The following KLF12 variants were observed in gnomAD, a reference collection of about 807,000 sequenced individuals.
KLF12 encodes the protein Krueppel-like factor 12.
KLF12 carries 9 observed loss-of-function variants against 37.8 expected under a neutral mutation model. The ratio of observed to expected loss-of-function variants is 0.24; its 90% CI spans 0.14 to 0.42. The LOEUF is 0.42. Among genes scored for constraint, KLF12 ranks in the 10% least tolerant of loss-of-function variants. KLF12 has a pLI of 1.00. For synonymous variants in KLF12, 208 were observed against 202.1 expected, an observed-to-expected ratio of 1.03 and a Z score of -0.25; for missense variants, 411 against 516.0, an observed-to-expected ratio of 0.80 and a Z score of 1.97.
chr13:73,891,570 A>G (rs529086029), intron 3 of KLF12, among the ~76,000 whole-genome samples: 3 of 152,270 alleles, frequency 2.0e-5, no homozygotes, highest in Admixed American at 6.5e-5. Context: ...GGACAAGCAC[A>G]CTTTCAAAAT....
chr13:73,810,020 C>A (rs556758282), intron 5 of KLF12, among the ~76,000 whole-genome samples: 15 of 152,214 alleles, frequency 9.9e-5, no homozygotes, highest in Middle Eastern at 6.8e-3. Context: ...CCAAGGCAGG[C>A]GGATCACTTA....
At chr13:73,867,456 T>C (rs1045269338) in intron 3 of KLF12, among the ~76,000 whole-genome samples, 1 of 151,844 alleles carries the variant, frequency 6.6e-6, no homozygotes, top group Non-Finnish European at 1.5e-5. Flanking sequence ...CATATATATG[T>C]CAATTTATAA....
At chr13:74,191,611 A>G in the KLF12 span, among the ~76,000 whole-genome samples, 1 of 152,136 alleles carries the variant, frequency 6.6e-6, no homozygotes, top group African/African-American at 2.4e-5. Flanking sequence ...TTTTCCTGAC[A>G]TCTCCCTGAA....
chr13:73,882,948 T>A (rs992186935), intron 3 of KLF12, among the ~76,000 whole-genome samples: 1 of 152,194 alleles, frequency 6.6e-6, no homozygotes, highest in Non-Finnish European at 1.5e-5. Flanking sequence ...TTCTTCATTT[T>A]CCTGTTCATT....
chr13:73,781,995 A>G (rs1465044856), intron 5 of KLF12, among the ~76,000 whole-genome samples: 1 of 152,232 alleles, frequency 6.6e-6, no homozygotes, highest in Non-Finnish European at 1.5e-5. Flanking sequence ...AATGAATCAG[A>G]ACATGTTCTT....
intron 2 of KLF12, among the ~76,000 whole-genome samples, chr13:73,950,689 G>A (rs1890612993): frequency 1.3e-5 from 2 of 152,168 alleles, no homozygotes; most frequent in African/African-American, 4.8e-5. Flanking sequence ...AATCCCTAGA[G>A]AAGGAGGACA....
chr13:74,281,288 G>A, the KLF12 span, among the ~76,000 whole-genome samples: 69,539 of 151,982 alleles, frequency 0.46, 19,006 homozygotes, highest in East Asian at 0.63. Flanking sequence ...CTGGGATGAT[G>A]AAGTAGTTTT....
At chr13:74,113,136 T>G (rs1021446505) in intron 1 of KLF12, among the ~76,000 whole-genome samples, 1 of 152,092 alleles carries the variant, frequency 6.6e-6, no homozygotes. Flanking sequence ...CCGGAAGAGT[T>G]TGGTTCATGA....
In KLF12 at chr13:73,733,570, C is replaced by A. The variant is rs569675677; in HGVS notation, c.870-18045G>T. Reference sequence around the variant, plus strand: ...CTCACACACACACTTTATCCTTATTCATGGATGACAGATGGGCATCTAGGT... The same window carrying A: ...CTCACACACACACTTTATCCTTATTAATGGATGACAGATGGGCATCTAGGT... On this transcript the variant is annotated intron_variant, in intron 6 of 7. Coordinates refer to ENST00000377669, the MANE Select transcript of KLF12 (RefSeq NM_007249.5). 3.9e-4 allele frequency among the ~76,000 whole-genome samples: 60 copies of A among 152,222 alleles called. No individual in the cohort carries two copies. The South Asian group carries it at 0.012, about 31-fold the overall frequency.
chr13:74,103,181 A>G (rs1481232500), intron 1 of KLF12, among the ~76,000 whole-genome samples: 1 of 152,268 alleles, frequency 6.6e-6, no homozygotes, highest in Non-Finnish European at 1.5e-5. Flanking sequence ...AAAATTATTT[A>G]TAAGTAATTT....
At chr13:73,725,388 T>C (rs996822322) in intron 6 of KLF12, among the ~76,000 whole-genome samples, 1 of 152,142 alleles carries the variant, frequency 6.6e-6, no homozygotes, top group African/African-American at 2.4e-5. Flanking sequence ...GCGTGAGCCA[T>C]CACGCCGGGC....
chr13:74,112,790 T>C (rs1877059228), intron 1 of KLF12, among the ~76,000 whole-genome samples: 1 of 152,192 alleles, frequency 6.6e-6, no homozygotes, highest in African/African-American at 2.4e-5. Flanking sequence ...AAGCATCACC[T>C]GTCTCTTACT....
chr13:73,688,364 T>C lies in KLF12; in HGVS notation c.*7126A>G, dbSNP rs923335156. ...AAGTGAGAACTCTGAAAAAGAATTA[T>C]CCATTATCTCTCCTTTATCATCATC... is the stretch of plus-strand genomic sequence containing the variant. On this transcript the variant is annotated 3_prime_UTR_variant, in exon 8 of 8. Coordinates refer to ENST00000377669, the MANE Select transcript of KLF12 (RefSeq NM_007249.5). 5.3e-5 allele frequency: 8 copies of C among 152,264 alleles called. No homozygotes were observed. The highest frequency in any genetic ancestry group is 1.7e-4 in the African/African-American group (7 of 41,460). 9.4% of individuals were successfully genotyped at this position (152,264 alleles called of 1,614,324 possible).
chr13:74,197,893 A>T, the KLF12 span, among the ~76,000 whole-genome samples: 4 of 152,132 alleles, frequency 2.6e-5, no homozygotes, highest in Non-Finnish European at 4.4e-5. Context: ...TCTGGAACAA[A>T]GAGGGCATTG....
chr13:73,845,866 C>T lies in KLF12; in HGVS notation c.631G>A (p.Val211Ile). ...CTCCCATCCTCCAAAAGCGGCACGA[C>T]AATAGTGTTGTTCACATTTCCAGGT... Residue 211 changes from valine to isoleucine, a missense_variant, in exon 4 of 8, where the codon GTC becomes ATC. By Grantham distance (29) the Val-to-Ile change is conservative (BLOSUM62 3). This residue lies in a region of KLF12 where 351 missense variants were observed against 397.8 expected (regional missense o/e 0.88). Transcript: ENST00000377669. The T allele has an allele frequency of 6.2e-7, 1 of 1,614,126 alleles. No individual in the cohort carries two copies. Among genetic ancestry groups the T allele is most frequent in the Non-Finnish European group, 8.5e-7 (1 of 1,179,980 alleles).
intron 3 of KLF12, among the ~76,000 whole-genome samples, chr13:73,936,692 G>A (rs77007718): frequency 0.017 from 2,552 of 152,188 alleles, 69 homozygotes; most frequent in African/African-American, 0.058. Context: ...CTGCTTTGCC[G>A]CCCGGAAGTT....
At chr13:74,210,031 T>C in the KLF12 span, among the ~76,000 whole-genome samples, 6 of 152,190 alleles carry the variant, frequency 3.9e-5, no homozygotes, top group African/African-American at 1.4e-4. Context: ...ATGAATTTTG[T>C]TAATATTTAT....
At chr13:73,859,617 A>G (rs1001486575) in intron 3 of KLF12, among the ~76,000 whole-genome samples, 2 of 152,214 alleles carry the variant, frequency 1.3e-5, no homozygotes, top group African/African-American at 4.8e-5. Context: ...TAATGGCATG[A>G]TGCAGATGTC....
chr13:74,203,270 A>G, the KLF12 span, among the ~76,000 whole-genome samples: 1 of 152,086 alleles, frequency 6.6e-6, no homozygotes, highest in Non-Finnish European at 1.5e-5. Flanking sequence ...CATTACACAT[A>G]GATTGCAGAT....
Sources: gnomAD v4.1 joint callset for allele counts (sites outside exome capture counted in the v4.1 genomes callset) on GRCh38, gnomAD v4.1.1 for gene constraint, gnomAD v4.1.1 regional missense constraint, MANE v1.5 for transcripts, NCBI Gene and HGNC (gene_info 2026-07-23, HGNC 2026-07-21) for gene names.